Variants in PACS1 observed in about 807,000 individuals in gnomAD.
PACS1 encodes the protein phosphofurin acidic cluster sorting protein 1, also known as PACS-1.
A neutral mutation model predicts 115.0 loss-of-function variants in PACS1; 24 were observed. That is an observed-to-expected ratio of 0.21 (90% confidence interval 0.15 to 0.29). The LOEUF is 0.29. Among genes scored for constraint, PACS1 ranks in the 10% least tolerant of loss-of-function variants. The pLI is 1.00. For missense variants in PACS1, 838 were observed against 1,251.2 expected, an observed-to-expected ratio of 0.67 and a Z score of 4.98; for synonymous variants, 453 against 504.5, an observed-to-expected ratio of 0.90 and a Z score of 1.37.
intron 2 of PACS1, among the ~76,000 whole-genome samples, chr11:66,205,770 A>G (rs1854921404): frequency 6.6e-6 from 1 of 151,622 alleles, no homozygotes; most frequent in South Asian, 2.1e-4. Context: ...CTGGGATTAC[A>G]GGCATGAGCC....
At chr11:66,231,091 GAGA>G in intron 13 of PACS1, 151 bp downstream of exon 13, 1 of 1,011,190 alleles carries the variant, frequency 9.9e-7, no homozygotes, top group South Asian at 1.4e-5. Flanking sequence ...GACTAAATTA[GAGA>G]GGTCTCCTAT....
chr11:66,160,180 C>T (rs1276856401), intron 1 of PACS1, among the ~76,000 whole-genome samples: 1 of 152,030 alleles, frequency 6.6e-6, no homozygotes, highest in African/African-American at 2.4e-5. Context: ...AGTTTGACAC[C>T]CAAGTTTTAT....
At chr11:66,097,658 GTAT>G (rs1292916917) in intron 1 of PACS1, among the ~76,000 whole-genome samples, 3 of 152,204 alleles carry the variant, frequency 2.0e-5, no homozygotes, top group Admixed American at 6.5e-5. Flanking sequence ...AGCTTTGCTA[GTAT>G]TATTATGCTA....
chr11:66,199,314 CA>C (rs35445093), intron 2 of PACS1, among the ~76,000 whole-genome samples: 2,095 of 92,132 alleles, frequency 0.023, 39 homozygotes, highest in African/African-American at 0.072. Flanking sequence ...GACTCCATCT[CA>C]AAAAAAAAAA....
chr11:66,200,579 G>A (rs1459746178), intron 2 of PACS1, among the ~76,000 whole-genome samples: 1 of 151,662 alleles, frequency 6.6e-6, no homozygotes, highest in African/African-American at 2.4e-5. Flanking sequence ...ATGATAAAGG[G>A]GTCAACTCAG....
chr11:66,221,601 G>T, intron 10 of PACS1: 1 of 179,632 alleles, frequency 5.6e-6, no homozygotes. Context: ...AGCCAAGATT[G>T]AGCCACTGCA....
At chr11:66,205,870 G>T in intron 2 of PACS1, among the ~76,000 whole-genome samples, 1 of 152,040 alleles carries the variant, frequency 6.6e-6, no homozygotes, top group East Asian at 1.9e-4. Context: ...TAACCTGGCC[G>T]GTCACGGTGG....
At chr11:66,221,450 AT>A (rs1463243518) in intron 10 of PACS1, 15 of 586,130 alleles carry the variant, frequency 2.6e-5, no homozygotes, top group Non-Finnish European at 4.6e-5. Flanking sequence ...GATTGAGAGC[AT>A]TCTGGCCAAC....
At chr11:66,151,713 A>C (rs117956404) in intron 1 of PACS1, among the ~76,000 whole-genome samples, 1 of 152,256 alleles carries the variant, frequency 6.6e-6, no homozygotes. Flanking sequence ...CATGTAAATA[A>C]AATGGAAAGT....
At chr11:66,214,485 T>C (rs1855151148) in intron 4 of PACS1, among the ~76,000 whole-genome samples, 1 of 151,756 alleles carries the variant, frequency 6.6e-6, no homozygotes, top group South Asian at 2.1e-4. Flanking sequence ...AACCATTTCT[T>C]TCCTTCCTTC....
chr11:66,122,440 T>A (rs1457849529), intron 1 of PACS1, among the ~76,000 whole-genome samples: 1 of 152,230 alleles, frequency 6.6e-6, no homozygotes, highest in East Asian at 1.9e-4. Flanking sequence ...AGTTTTCAAG[T>A]GTTATTAGTT....
intron 1 of PACS1, among the ~76,000 whole-genome samples, chr11:66,077,851 C>T (rs550218824): frequency 3.9e-5 from 6 of 152,006 alleles, no homozygotes; most frequent in Non-Finnish European, 7.4e-5. Context: ...TCCAGGCATG[C>T]ACCACCATGC....
intron 1 of PACS1, among the ~76,000 whole-genome samples, chr11:66,167,293 A>T (rs1437946562): frequency 6.9e-6 from 1 of 144,422 alleles, no homozygotes; most frequent in Non-Finnish European, 1.5e-5. Flanking sequence ...TGTCAGTATT[A>T]GGAGTTTCAG....
At chr11:66,149,595 T>TTTTG (rs1859192123) in intron 1 of PACS1, among the ~76,000 whole-genome samples, 1 of 152,186 alleles carries the variant, frequency 6.6e-6, no homozygotes, top group African/African-American at 2.4e-5. Flanking sequence ...AGCATAACAT[T>TTTTG]AACTTTGTAT....
At chr11:66,153,112 T>G (rs1049400844) in intron 1 of PACS1, among the ~76,000 whole-genome samples, 8 of 152,170 alleles carry the variant, frequency 5.3e-5, no homozygotes, top group Admixed American at 5.2e-4. Flanking sequence ...TCTAATTTCT[T>G]TAAGATACAT....
chr11:66,220,613 A>C lies in PACS1; in HGVS notation c.1039-18A>C. 1 of 1,613,356 alleles carries C rather than the reference A, an allele frequency of 6.2e-7. No individual in the cohort carries two copies. The highest frequency in any genetic ancestry group is 8.5e-7 in the Non-Finnish European group (1 of 1,179,744). ...AATAGGGATGACCCTAAATTCAGAG[A>C]CTCCTTTTTCCCTGCAGGTGGGCTT... On this transcript the variant is annotated intron_variant, in intron 8 of 23. Transcript: ENST00000320580.
At chr11:66,202,756 T>A (rs1474722550) in intron 2 of PACS1, among the ~76,000 whole-genome samples, 16,351 of 37,462 alleles carry the variant, frequency 0.44, 4,489 homozygotes, top group Non-Finnish European at 0.51. Context: ...TATATATATA[T>A]ATATATATAT....
chr11:66,242,820 C>T (rs545881591), intron 22 of PACS1, 92 bp from the exon 23 acceptor site: 14 of 1,557,310 alleles, frequency 9.0e-6, no homozygotes, highest in African/African-American at 6.8e-5. Context: ...CACCTCCCCT[C>T]GCCACAGGAA....
intron 2 of PACS1, among the ~76,000 whole-genome samples, chr11:66,204,902 G>A (rs571141578): frequency 1.3e-5 from 2 of 152,260 alleles, no homozygotes; most frequent in East Asian, 1.9e-4. Context: ...AGCACTTTGG[G>A]AGGCTGAGGT....
Sources: gnomAD v4.1 joint callset for allele counts (sites outside exome capture counted in the v4.1 genomes callset) on GRCh38, gnomAD v4.1.1 for gene constraint, MANE v1.5 for transcripts, NCBI Gene and HGNC (gene_info 2026-07-23, HGNC 2026-07-21) for gene names.